FARS2: variants seen among roughly 807,000 people sequenced by gnomAD.
FARS2 encodes the protein phenylalanine--tRNA ligase, mitochondrial.
FARS2 carries 40 observed loss-of-function variants against 46.4 expected under a neutral mutation model. The observed-to-expected ratio is 0.86, with a 90% CI of 0.67 to 1.12. The LOEUF (loss-of-function observed/expected upper bound fraction) is 1.12. FARS2 is among the 50% of genes most tolerant of loss of function. FARS2 has a pLI of 0.00. For synonymous variants in FARS2, 234 were observed against 214.9 expected, an observed-to-expected ratio of 1.09 and a Z score of -0.78; for missense variants, 513 against 567.9, an observed-to-expected ratio of 0.90 and a Z score of 0.98.
chr6:5,351,661 C>T (rs1204847839), intron 1 of FARS2, among the ~76,000 whole-genome samples: 1 of 152,028 alleles, frequency 6.6e-6, no homozygotes, highest in Non-Finnish European at 1.5e-5. Flanking sequence ...ACTGTTAATT[C>T]CTTTATGAGC....
At chr6:5,754,438 G>A (rs1040941058) in intron 6 of FARS2, among the ~76,000 whole-genome samples, 9 of 152,154 alleles carry the variant, frequency 5.9e-5, no homozygotes, top group African/African-American at 1.9e-4. Context: ...GGAAGACTGG[G>A]GCATCTGAAA....
At chr6:5,536,161 C>T (rs1365087502) in intron 4 of FARS2, among the ~76,000 whole-genome samples, 1 of 151,278 alleles carries the variant, frequency 6.6e-6, no homozygotes, top group Non-Finnish European at 1.5e-5. Context: ...ACACCATTCT[C>T]CTGCCTCAGC....
chr6:5,598,856 G>A (rs1399199364), intron 5 of FARS2, among the ~76,000 whole-genome samples: 4 of 152,174 alleles, frequency 2.6e-5, no homozygotes, highest in Non-Finnish European at 1.5e-5. Flanking sequence ...AGATTTGGAT[G>A]TTTGACATTT....
chr6:5,693,079 A>G (rs913750032), intron 6 of FARS2, among the ~76,000 whole-genome samples: 55 of 152,320 alleles, frequency 3.6e-4, no homozygotes, highest in African/African-American at 1.2e-3. Flanking sequence ...AATATTAACA[A>G]TAAGTTATTA....
chr6:5,730,986 T>C (rs1420865651), intron 6 of FARS2, among the ~76,000 whole-genome samples: 4 of 152,228 alleles, frequency 2.6e-5, no homozygotes, highest in African/African-American at 9.6e-5. Context: ...CCCACACTGC[T>C]GGCTCTGAAA....
chr6:5,410,746 T>A (rs1035157225), intron 3 of FARS2, among the ~76,000 whole-genome samples: 11 of 152,244 alleles, frequency 7.2e-5, no homozygotes, highest in Non-Finnish European at 1.3e-4. Context: ...GGTGTTACAA[T>A]CTCTGTTTTT....
intron 1 of FARS2, among the ~76,000 whole-genome samples, chr6:5,273,160 ATTTCT>A (rs1401358550): frequency 6.6e-6 from 1 of 152,038 alleles, no homozygotes; most frequent in Non-Finnish European, 1.5e-5. Context: ...GATAATACTG[ATTTCT>A]TTTCTTTTGG....
intron 1 of FARS2, among the ~76,000 whole-genome samples, chr6:5,266,584 G>A (rs1209130048): frequency 6.6e-6 from 1 of 152,206 alleles, no homozygotes; most frequent in Non-Finnish European, 1.5e-5. Context: ...TAGCTAGTGT[G>A]GACCTTGGCC....
chr6:5,614,612 C>T (rs895115127), intron 6 of FARS2, among the ~76,000 whole-genome samples: 4 of 152,122 alleles, frequency 2.6e-5, no homozygotes, highest in Non-Finnish European at 4.4e-5. Context: ...AGGGTTTCAC[C>T]GTGGTCTCCA....
In FARS2 at chr6:5,503,392, A is replaced by G. The variant is rs999359939; in HGVS notation, c.905-41788A>G. ...ATTCTTAACACACACACACACACAC[A>G]CACACACACACACAGAGAGAGAGAG... On this transcript the variant is annotated intron_variant, in intron 4 of 6. Coordinates refer to ENST00000274680, the MANE Select transcript of FARS2 (RefSeq NM_006567.5). 1.7e-3 allele frequency among the ~76,000 whole-genome samples: 114 copies of G among 68,350 alleles called. 1 individual carries two copies. The highest frequency in any genetic ancestry group is 8.6e-3 in the African/African-American group (108 of 12,494). 44.8% of individuals were successfully genotyped at this position (68,350 alleles called of 152,430 possible). A position where few individuals can be genotyped will look rare whatever the true frequency, so the allele number is the denominator to read the frequency against.
At chr6:5,754,424 C>A (rs1762106167) in intron 6 of FARS2, among the ~76,000 whole-genome samples, 1 of 152,218 alleles carries the variant, frequency 6.6e-6, no homozygotes, top group African/African-American at 2.4e-5. Context: ...CTGAGAGTAT[C>A]TCTGGAAGAC....
intron 2 of FARS2, among the ~76,000 whole-genome samples, chr6:5,401,612 A>T (rs1761257703): frequency 6.6e-6 from 1 of 152,146 alleles, no homozygotes; most frequent in Non-Finnish European, 1.5e-5. Flanking sequence ...TTATTACTTG[A>T]ACAAGGCTCA....
intron 4 of FARS2, among the ~76,000 whole-genome samples, chr6:5,480,084 G>C (rs1766363742): frequency 6.6e-6 from 1 of 152,220 alleles, no homozygotes; most frequent in Non-Finnish European, 1.5e-5. Context: ...GAACTGTCTG[G>C]TTCACGATTT....
chr6:5,540,754 G>C (rs1162621502), intron 4 of FARS2, among the ~76,000 whole-genome samples: 1 of 152,226 alleles, frequency 6.6e-6, no homozygotes, highest in South Asian at 2.1e-4. Flanking sequence ...TATGTACAGC[G>C]TGTTTGTCAC....
chr6:5,744,054 G>A (rs1361604030), intron 6 of FARS2, among the ~76,000 whole-genome samples: 1 of 152,212 alleles, frequency 6.6e-6, no homozygotes, highest in Non-Finnish European at 1.5e-5. Context: ...TGTGAGACAG[G>A]ATTGGTTTAG....
chr6:5,336,435 G>A (rs1298739161), intron 1 of FARS2, among the ~76,000 whole-genome samples: 1 of 151,054 alleles, frequency 6.6e-6, no homozygotes, highest in Non-Finnish European at 1.5e-5. Context: ...TTACATATGT[G>A]GATCTCATAA....
intron 6 of FARS2, among the ~76,000 whole-genome samples, chr6:5,628,203 A>G (rs1313088184): frequency 1.3e-5 from 2 of 152,162 alleles, no homozygotes; most frequent in Non-Finnish European, 2.9e-5. Flanking sequence ...CAAGCAGTCA[A>G]ATTGTAATGT....
At chr6:5,608,465 A>G (rs6597148) in intron 5 of FARS2, among the ~76,000 whole-genome samples, 145,704 of 152,232 alleles carry the variant, frequency 0.96, 69,796 homozygotes, top group East Asian at 1. Context: ...CTTACTAAAT[A>G]GTTCAAAATA....
At chr6:5,557,840 A>C (rs1771753671) in intron 5 of FARS2, among the ~76,000 whole-genome samples, 1 of 152,138 alleles carries the variant, frequency 6.6e-6, no homozygotes, top group Admixed American at 6.5e-5. Flanking sequence ...CTTTCATAGG[A>C]TAACTGGATA....
Sources: allele counts gnomAD v4.1 joint callset (sites outside exome capture counted in the v4.1 genomes callset), GRCh38; gene constraint gnomAD v4.1.1; transcripts MANE v1.5; gene names NCBI Gene and HGNC (gene_info 2026-07-23, HGNC 2026-07-21).